The following PITPNM3 variants were observed in gnomAD, a reference collection of about 807,000 sequenced individuals.
PITPNM3 encodes the protein PITPNM family member 3, also known as membrane-associated phosphatidylinositol transfer protein 3.
A neutral mutation model predicts 102.0 loss-of-function variants in PITPNM3; 26 were observed. The observed-to-expected ratio is 0.25, with a 90% confidence interval of 0.19 to 0.35. The LOEUF (loss-of-function observed/expected upper bound fraction) is 0.35, where lower values mean the gene tolerates loss of function less well. Ranked by LOEUF, PITPNM3 falls within the 10% of genes least tolerant of loss-of-function variation. The pLI, the probability that PITPNM3 is intolerant of heterozygous loss-of-function variation, is 1.00. For missense variants in PITPNM3, 1,083 were observed against 1,346.1 expected, an observed-to-expected ratio of 0.80 and a Z score of 3.06; for synonymous variants, 578 against 558.6, an observed-to-expected ratio of 1.03 and a Z score of -0.49.
At position 6,455,636 on chromosome 17, in the gene PITPNM3, C is replaced by T. The variant is rs1914062238; in HGVS notation, c.2627G>A (p.Ser876Asn). 3 of 1,484,980 alleles carry T rather than the reference C, an allele frequency of 2.0e-6. No individual in the cohort carries two copies. The highest frequency in any genetic ancestry group is 2.7e-6 in the Non-Finnish European group (3 of 1,129,628). 92.0% of individuals were successfully genotyped at this position (1,484,980 alleles called of 1,614,324 possible). The change falls in exon 20 of 20, where the codon AGC (serine) becomes AAC (asparagine). Residue 876 changes from serine to asparagine, a missense_variant. Physicochemically the swap from Ser to Asn is conservative, Grantham distance 46 (BLOSUM62 1). This residue lies in a region of PITPNM3 where 208 missense variants were observed against 178.2 expected (regional missense o/e 1.17). Coordinates refer to ENST00000262483, the MANE Select transcript of PITPNM3 (RefSeq NM_031220.4). The stretch of plus-strand genomic sequence containing the variant: ...GGCCAGGTGTGCGGCGTAGCCCTCG[C>T]TCAGGAACTGCGGAGGGCAGGGGAG... ...KKYQTQCQFLSEGYAAHLAAL... is the reference protein window; with the variant it reads ...KKYQTQCQFLNEGYAAHLAAL...
At chr17:6,473,104 C>T (rs550886919) in intron 10 of PITPNM3, 3 of 499,488 alleles carry the variant, frequency 6.0e-6, no homozygotes, top group Admixed American at 3.3e-5. Context: ...CAAAACATCC[C>T]TTCTCCTTGT....
chr17:6,474,395 C>T (rs1905200080), intron 10 of PITPNM3, 37 bp downstream of exon 10: 1 of 1,606,678 alleles, frequency 6.2e-7, no homozygotes, highest in Non-Finnish European at 8.5e-7. Context: ...CCTAGTGACG[C>T]ACAGGCACCT....
In PITPNM3 at chr17:6,464,388, C is replaced by T. The variant is rs114941011; in HGVS notation, c.2008-70G>A. 2,062 of 1,530,716 alleles carry T rather than the reference C, an allele frequency of 1.3e-3. 22 individuals are homozygous for T. In the African/African-American group the frequency reaches 0.023, roughly 17 times the overall value. The allele number at this position is 1,530,716 out of a possible 1,614,324, so 94.8% of individuals were successfully genotyped here. On this transcript the variant is annotated intron_variant, in intron 15 of 19. Transcript: ENST00000262483. The stretch of plus-strand genomic sequence containing the variant: ...CTACAGGCTTGGCAGAGGGGCTGGG[C>T]GGGGGAACTCTGGGCTGAGGTCCCT...
intron 1 of PITPNM3, among the ~76,000 whole-genome samples, chr17:6,555,216 C>T (rs1321326728): frequency 6.6e-6 from 1 of 152,204 alleles, no homozygotes; most frequent in Non-Finnish European, 1.5e-5. Context: ...ACCGGCCCCA[C>T]CCCGACAGGA....
In PITPNM3 at chr17:6,537,403, C is replaced by A. The variant is rs934071087; in HGVS notation, c.118+584G>T. 6.6e-6 allele frequency among the ~76,000 whole-genome samples: 1 copy of A among 152,032 alleles called. No individual in the cohort carries two copies. Among genetic ancestry groups the A allele is most frequent in the Non-Finnish European group, 1.5e-5 (1 of 68,012 alleles). The stretch of plus-strand genomic sequence containing the variant: ...GATTACAGGCACCCGCCACCACACC[C>A]GGCTAATGTTTTGTATTTTTAGTAG... On this transcript the variant is annotated intron_variant, in intron 2 of 19. Transcript: ENST00000262483. This position sits in a 1 kb window ranked among gnomAD's most constrained non-coding sequence, Gnocchi z 4.4.
intron 4 of PITPNM3, among the ~76,000 whole-genome samples, chr17:6,487,026 G>C (rs1403257074): frequency 1.3e-5 from 2 of 152,180 alleles, no homozygotes; most frequent in African/African-American, 2.4e-5. Context: ...AGGAGGGAGA[G>C]GGTCTGAGTG....
chr17:6,549,304 T>G (rs796945301), intron 1 of PITPNM3, among the ~76,000 whole-genome samples: 6 of 152,200 alleles, frequency 3.9e-5, no homozygotes, highest in African/African-American at 1.4e-4. Flanking sequence ...CATGCCACAC[T>G]CTGCACCCCA....
In PITPNM3 at chr17:6,517,349, C is replaced by G. The variant is rs1490143107; in HGVS notation, c.226+8007G>C. 6.6e-6 allele frequency among the ~76,000 whole-genome samples: 1 copy of G among 152,122 alleles called. No individual in the cohort carries two copies. Among genetic ancestry groups the G allele is most frequent in the Non-Finnish European group, 1.5e-5 (1 of 68,016 alleles). On this transcript the variant is annotated intron_variant, in intron 3 of 19. Coordinates refer to ENST00000262483, the MANE Select transcript of PITPNM3 (RefSeq NM_031220.4). The surrounding 1 kb of genome is among the most constrained non-coding windows in gnomAD (Gnocchi z 4.1). ...TGCCAAAGCCACCATGATGAGAAAACAAAACCCTCCCCAAAAGTAAAACAG... is the reference window on the plus strand; with the variant it reads ...TGCCAAAGCCACCATGATGAGAAAAGAAAACCCTCCCCAAAAGTAAAACAG...
chr17:6,476,410 T>C (rs1300809933), intron 9 of PITPNM3, among the ~76,000 whole-genome samples: 1 of 152,244 alleles, frequency 6.6e-6, no homozygotes, highest in Non-Finnish European at 1.5e-5. Context: ...GCTGAATTAA[T>C]GTGCAGATAA....
At chr17:6,492,208 C>T (rs951382643) in intron 4 of PITPNM3, among the ~76,000 whole-genome samples, 18 of 62,248 alleles carry the variant, frequency 2.9e-4, no homozygotes, top group African/African-American at 6.3e-4. Context: ...GGACTACAGG[C>T]GCCCCCCCAC....
At chr17:6,516,254 A>AACT (rs1249322405) in intron 3 of PITPNM3, among the ~76,000 whole-genome samples, 8 of 152,334 alleles carry the variant, frequency 5.3e-5, no homozygotes, top group African/African-American at 1.9e-4. Flanking sequence ...TGTGGTTAGA[A>AACT]AAGTCTCTGG....
chr17:6,463,659 C>A, intron 17 of PITPNM3, 73 bp downstream of exon 17: 1 of 1,554,352 alleles, frequency 6.4e-7, no homozygotes. Context: ...ATCAGAAAAA[C>A]AACATATTTC....
chr17:6,482,217 G>A (rs1362921640), intron 6 of PITPNM3, among the ~76,000 whole-genome samples: 1 of 152,036 alleles, frequency 6.6e-6, no homozygotes, highest in African/African-American at 2.4e-5. Context: ...TGCTGCAGAG[G>A]CCAAGAAGAA....
At chr17:6,510,365 C>A (rs1907800330) in intron 3 of PITPNM3, among the ~76,000 whole-genome samples, 1 of 152,220 alleles carries the variant, frequency 6.6e-6, no homozygotes, top group Non-Finnish European at 1.5e-5. Flanking sequence ...TTTGTCCCTG[C>A]AGCTCCCTCT....
intron 4 of PITPNM3, among the ~76,000 whole-genome samples, chr17:6,502,312 G>A (rs540640790): frequency 1.3e-5 from 2 of 152,286 alleles, no homozygotes; most frequent in African/African-American, 4.8e-5. Context: ...AATTACCCGG[G>A]CATGGTGGCC....
Position 6,457,853 on chromosome 17 carries a change from GC to G in PITPNM3, c.2491-132del. 1 of 1,313,802 alleles carries G rather than the reference GC, an allele frequency of 7.6e-7. No homozygotes were observed. 81.4% of individuals were successfully genotyped at this position (1,313,802 alleles called of 1,614,324 possible). A position where few individuals can be genotyped will look rare whatever the true frequency, so the allele number is the denominator to read the frequency against. ...ACTCTGGTAGACTCCAAGCCATGGG[GC>G]CACCCTGTGTCAGGAATGAACCCTC... On this transcript the variant is annotated intron_variant, in intron 18 of 19. Coordinates refer to ENST00000262483, the MANE Select transcript of PITPNM3 (RefSeq NM_031220.4). This position sits in a 1 kb window ranked among gnomAD's most constrained non-coding sequence, Gnocchi z 4.7.
chr17:6,508,635 G>A (rs1344446808), intron 3 of PITPNM3, among the ~76,000 whole-genome samples: 2 of 152,192 alleles, frequency 1.3e-5, no homozygotes, highest in South Asian at 2.1e-4. Context: ...TGCAAGGGGT[G>A]CAGAGAGGAT....
In PITPNM3 at chr17:6,457,450, C is replaced by T; in HGVS notation, c.2619+144G>A. ...AACACAGGCCCTGGCCCAAGGCAGG[C>T]ACCCCGAAGTGTTTGTTGAATAAAT... On this transcript the variant is annotated intron_variant, in intron 19 of 19. Transcript: ENST00000262483. This position sits in a 1 kb window ranked among gnomAD's most constrained non-coding sequence, Gnocchi z 4.7. The T allele has an allele frequency of 1.5e-6, 2 of 1,364,476 alleles. No individual in the cohort carries two copies. The highest frequency in any genetic ancestry group is 2.0e-6 in the Non-Finnish European group (2 of 1,002,658). The allele number at this position is 1,364,476 out of a possible 1,614,324, so 84.5% of individuals were successfully genotyped here. A position where few individuals can be genotyped will look rare whatever the true frequency, so the allele number is the denominator to read the frequency against.
Position 6,478,955 on chromosome 17 carries a change from C to A in PITPNM3, c.588-219G>T. The A allele has an allele frequency of 1.7e-6, 1 of 590,974 alleles. No homozygotes were observed. The highest frequency in any genetic ancestry group is 2.8e-5 in the East Asian group (1 of 35,606). The allele number at this position is 590,974 out of a possible 1,614,324, so 36.6% of individuals were successfully genotyped here. The stretch of plus-strand genomic sequence containing the variant: ...CTACACTGACTCCCTGTGTGTCCTT[C>A]CCGTGCTGGCCATGGGTGTGGGCCC... On this transcript the variant is annotated intron_variant, in intron 6 of 19. Transcript: ENST00000262483. This position sits in a 1 kb window ranked among gnomAD's most constrained non-coding sequence, Gnocchi z 4.4.
Sources: allele counts gnomAD v4.1 joint callset (sites outside exome capture counted in the v4.1 genomes callset), GRCh38; gene constraint gnomAD v4.1.1; regional missense constraint gnomAD v4.1.1; non-coding constraint Gnocchi (gnomAD v3.1); transcripts MANE v1.5; gene names NCBI Gene and HGNC (gene_info 2026-07-23, HGNC 2026-07-21).